GRK3: variants seen among roughly 807,000 people sequenced by gnomAD.
GRK3 encodes adrenergic, beta, receptor kinase 2.
GRK3 carries 54 observed loss-of-function variants against 95.7 expected under a neutral mutation model. The observed-to-expected ratio is 0.56, with a 90% CI of 0.45 to 0.71. The LOEUF (loss-of-function observed/expected upper bound fraction) is 0.71. Among genes scored for constraint, GRK3 ranks in the 30% least tolerant of loss-of-function variants. The probability of loss-of-function intolerance (pLI) is 0.00; values close to 1 mark genes in which losing one functional copy is unlikely to be tolerated. For synonymous variants in GRK3, 281 were observed against 290.8 expected (o/e 0.97, Z 0.34); for missense variants, 649 against 851.2 (o/e 0.76, Z 2.96).
intron 2 of GRK3, among the ~76,000 whole-genome samples, chr22:25,621,320 T>C (rs2084584522): frequency 1.3e-5 from 2 of 152,242 alleles, no homozygotes; most frequent in African/African-American, 4.8e-5. Flanking sequence ...ACCTCTGGGT[T>C]ATGGGCACCT....
chr22:25,618,477 A>G (rs2084556657), intron 2 of GRK3, among the ~76,000 whole-genome samples: 1 of 152,186 alleles, frequency 6.6e-6, no homozygotes, highest in Non-Finnish European at 1.5e-5. Flanking sequence ...CTCTATTTAA[A>G]GTGTGTTTGT....
At chr22:25,568,656 C>T (rs1207359916) in intron 1 of GRK3, among the ~76,000 whole-genome samples, 1 of 152,134 alleles carries the variant, frequency 6.6e-6, no homozygotes, top group Non-Finnish European at 1.5e-5. Context: ...CAGCCACAGC[C>T]CCTTCCTTCA....
chr22:25,705,762 C>A (rs960694309), intron 15 of GRK3, among the ~76,000 whole-genome samples: 1 of 152,218 alleles, frequency 6.6e-6, no homozygotes, highest in African/African-American at 2.4e-5. Flanking sequence ...ACTTCCCTTT[C>A]CAGTCTTCTG....
intron 1 of GRK3, among the ~76,000 whole-genome samples, chr22:25,588,051 G>A (rs371750729): frequency 8.6e-5 from 13 of 152,018 alleles, no homozygotes; most frequent in East Asian, 3.9e-4. Flanking sequence ...CACCTGCCTC[G>A]GCCCCTCAAA....
Position 25,687,600 on chromosome 22 carries a change from A to T in GRK3, c.890A>T (p.Tyr297Phe), listed in dbSNP as rs1384082597. ...TTCTCTGAGAAGGAGATGCGGTTTT[A>T]TGCCACTGAAATCATTCTGGGTCTG... ...GVFSEKEMRF[Y>F]ATEIILGLEH... The change falls in exon 11 of 21, where the codon TAT (tyrosine) becomes TTT (phenylalanine). Residue 297 changes from tyrosine to phenylalanine, a missense_variant. Tyr to Phe is a conservative substitution (Grantham distance 22). This residue lies in a region of GRK3 where 382 missense variants were observed against 493.8 expected (regional missense o/e 0.77). Coordinates refer to ENST00000324198, the MANE Select transcript of GRK3 (RefSeq NM_005160.4). 1.9e-6 allele frequency: 3 copies of T among 1,614,146 alleles called. No homozygotes were observed. In the African/African-American group the frequency reaches 4.0e-5, roughly 22 times the overall value.
chr22:25,610,869 T>C (rs1421270334), intron 2 of GRK3, among the ~76,000 whole-genome samples: 1 of 152,136 alleles, frequency 6.6e-6, no homozygotes, highest in African/African-American at 2.4e-5. Flanking sequence ...TTTTTTTTTG[T>C]TTTTTGTTTT....
At chr22:25,716,745 T>C (rs1001311739) in intron 18 of GRK3, among the ~76,000 whole-genome samples, 4 of 152,068 alleles carry the variant, frequency 2.6e-5, no homozygotes, top group African/African-American at 7.2e-5. Context: ...TAAAAAATAA[T>C]GCAAATAAAA....
intron 19 of GRK3, among the ~76,000 whole-genome samples, chr22:25,720,551 A>C (rs1320343105): frequency 1.5e-5 from 2 of 131,454 alleles, no homozygotes; most frequent in Non-Finnish European, 3.0e-5. Context: ...ATCTTGGCTC[A>C]CTGCAACCTC....
intron 20 of GRK3, 95 bp from the exon 21 acceptor site, chr22:25,722,194 G>A (rs2085437810): frequency 7.0e-7 from 1 of 1,429,850 alleles, no homozygotes; most frequent in Admixed American, 1.8e-5. Flanking sequence ...CTTCCTTCAG[G>A]GGTTCCAGGG....
In GRK3 at chr22:25,603,105, C is replaced by T. The variant is rs150529788; in HGVS notation, c.114-1272C>T. On this transcript the variant is annotated intron_variant, in intron 1 of 20. Transcript: ENST00000324198. ...CTAATTTTTGTATTTTTAGTAGAGGCGGGGTTTTACCATGTGGGCCAGAAT... is the reference window on the plus strand; with the variant it reads ...CTAATTTTTGTATTTTTAGTAGAGGTGGGGTTTTACCATGTGGGCCAGAAT... 1.6e-4 allele frequency among the ~76,000 whole-genome samples: 24 copies of T among 152,136 alleles called. No homozygotes were observed. In the East Asian group the frequency reaches 1.9e-3, roughly 12 times the overall value.
At position 25,695,186 on chromosome 22, in the gene GRK3, G is replaced by A; in HGVS notation, c.1132G>A (p.Gly378Ser). 1 of 1,614,028 alleles carries A rather than the reference G, an allele frequency of 6.2e-7. No individual in the cohort carries two copies. The highest frequency in any genetic ancestry group is 1.1e-5 in the South Asian group (1 of 91,068). ...YDSSADWFSL[G>S]CMLFKLLRGH... ...CAGCAGTGCCGACTGGTTCTCCCTGGGCTGCATGCTTTTCAAACTTCTGAG... is the reference window on the plus strand; with the variant it reads ...CAGCAGTGCCGACTGGTTCTCCCTGAGCTGCATGCTTTTCAAACTTCTGAG... Residue 378 changes from glycine to serine, a missense_variant, in exon 13 of 21, where the codon GGC becomes AGC. Gly to Ser is a moderately conservative substitution (Grantham distance 56). This residue lies in a region of GRK3 where 382 missense variants were observed against 493.8 expected (regional missense o/e 0.77). Transcript: ENST00000324198.
chr22:25,718,840 C>T (rs1026156258), intron 19 of GRK3, among the ~76,000 whole-genome samples: 2 of 152,122 alleles, frequency 1.3e-5, no homozygotes, highest in African/African-American at 2.4e-5. Flanking sequence ...ATCCACAGAT[C>T]CCCATCCTGG....
intron 15 of GRK3, 32 bp from the exon 16 acceptor site, chr22:25,709,866 A>G: frequency 6.5e-7 from 1 of 1,542,994 alleles, no homozygotes; most frequent in South Asian, 1.1e-5. Flanking sequence ...CCAAATGCAT[A>G]CTCAGCACTG....
intron 14 of GRK3, among the ~76,000 whole-genome samples, 190 bp downstream of exon 14, chr22:25,703,766 T>C (rs2085277134): frequency 6.6e-6 from 1 of 152,112 alleles, no homozygotes; most frequent in Non-Finnish European, 1.5e-5. Context: ...AGGGGAAACA[T>C]TAATGGAAAT....
At chr22:25,574,469 C>T (rs923664661) in intron 1 of GRK3, among the ~76,000 whole-genome samples, 3 of 152,148 alleles carry the variant, frequency 2.0e-5, no homozygotes, top group Non-Finnish European at 4.4e-5. Context: ...TGCAGCCTGA[C>T]AGAGTGAGGT....
At chr22:25,686,847 G>C (rs187681990) in intron 10 of GRK3, among the ~76,000 whole-genome samples, 108 of 152,198 alleles carry the variant, frequency 7.1e-4, no homozygotes, top group Non-Finnish European at 6.5e-4. Flanking sequence ...CTTTTGAGAC[G>C]GAGTCTCTGT....
intron 1 of GRK3, among the ~76,000 whole-genome samples, chr22:25,584,954 T>C (rs1426630476): frequency 2.0e-5 from 3 of 152,294 alleles, no homozygotes; most frequent in African/African-American, 7.2e-5. Context: ...ACCATTTACA[T>C]CAGACTCTCC....
At chr22:25,688,987 G>A (rs1210248882) in intron 11 of GRK3, among the ~76,000 whole-genome samples, 2 of 152,088 alleles carry the variant, frequency 1.3e-5, no homozygotes, top group Non-Finnish European at 2.9e-5. Context: ...TACAGATTAT[G>A]TTCCTTCCTC....
chr22:25,720,629 A>G (rs1395940464), intron 19 of GRK3, among the ~76,000 whole-genome samples: 2 of 151,868 alleles, frequency 1.3e-5, no homozygotes, highest in Non-Finnish European at 2.9e-5. Context: ...GGAGCCCGCT[A>G]CCACGCCCGG....
Sources: allele counts gnomAD v4.1 joint callset (sites outside exome capture counted in the v4.1 genomes callset), GRCh38; gene constraint gnomAD v4.1.1; regional missense constraint gnomAD v4.1.1; transcripts MANE v1.5; gene names NCBI Gene and HGNC (gene_info 2026-07-23, HGNC 2026-07-21).